The following LDAH variants were observed in gnomAD, a reference collection of about 807,000 sequenced individuals.
LDAH encodes the protein lipid droplet-associated hydrolase.
A neutral mutation model predicts 29.6 loss-of-function variants in LDAH; 26 were observed. The observed-to-expected ratio is 0.88, with a 90% CI of 0.64 to 1.22. LDAH has a LOEUF of 1.22. Ranked by LOEUF, LDAH falls within the 50% of genes most tolerant of loss-of-function variation. LDAH has a pLI of 0.00. For missense variants in LDAH, 344 were observed against 387.3 expected (o/e 0.89, Z 0.94); for synonymous variants, 117 against 133.0 (o/e 0.88, Z 0.83).
intron 5 of LDAH, among the ~76,000 whole-genome samples, chr2:20,718,903 C>A (rs1665440420): frequency 6.6e-6 from 1 of 151,990 alleles, no homozygotes; most frequent in African/African-American, 2.4e-5. Context: ...ACAACATGCT[C>A]CCAAATGACC....
intron 4 of LDAH, among the ~76,000 whole-genome samples, chr2:20,764,401 G>T (rs1342076499): frequency 6.6e-6 from 1 of 152,216 alleles, no homozygotes; most frequent in Non-Finnish European, 1.5e-5. Flanking sequence ...AGAGGTAACT[G>T]TCAAACTACT....
chr2:20,741,925 A>G (rs1388362413), intron 4 of LDAH, among the ~76,000 whole-genome samples: 1 of 152,220 alleles, frequency 6.6e-6, no homozygotes, highest in Non-Finnish European at 1.5e-5. Context: ...GTTTCAATGG[A>G]CATGGAGTAC....
chr2:20,771,761 TG>T lies in LDAH; in HGVS notation c.468+3048del, dbSNP rs1669443791. 5.5e-3 allele frequency among the ~76,000 whole-genome samples: 4 copies of T among 732 alleles called. No homozygotes were observed. In the South Asian group the frequency reaches 0.5, roughly 92 times the overall value. 0.5% of individuals were successfully genotyped at this position (732 alleles called of 152,430 possible). ...CTACCCCCCAAAAGAGGTGACCTTT[TG>T]GACAATTTATTGCACACATTATTTT... On this transcript the variant is annotated intron_variant, in intron 4 of 6. Transcript: ENST00000237822.
At chr2:20,726,119 C>T (rs1665995310) in intron 5 of LDAH, among the ~76,000 whole-genome samples, 1 of 152,168 alleles carries the variant, frequency 6.6e-6, no homozygotes, top group South Asian at 2.1e-4. Context: ...TTTGAATATT[C>T]TGGGTGTTTT....
At chr2:20,721,564 C>CA (rs990411245) in intron 5 of LDAH, among the ~76,000 whole-genome samples, 61 of 149,504 alleles carry the variant, frequency 4.1e-4, no homozygotes, top group Middle Eastern at 3.5e-3. Flanking sequence ...AACCAACAAA[C>CA]AAAAAAAAAA....
chr2:20,780,885 G>A (rs553374198), intron 3 of LDAH, among the ~76,000 whole-genome samples: 1 of 152,074 alleles, frequency 6.6e-6, no homozygotes, highest in African/African-American at 2.4e-5. Context: ...GGCTCATCTA[G>A]TCATTCCATC....
At chr2:20,780,083 T>C (rs548074120) in intron 3 of LDAH, among the ~76,000 whole-genome samples, 38 of 152,294 alleles carry the variant, frequency 2.5e-4, no homozygotes, top group Non-Finnish European at 5.3e-4. Flanking sequence ...CCTCCCTAAG[T>C]ATTCTGTAAG....
intron 6 of LDAH, among the ~76,000 whole-genome samples, chr2:20,699,640 A>G (rs963074157): frequency 3.3e-5 from 5 of 152,180 alleles, no homozygotes; most frequent in African/African-American, 1.2e-4. Flanking sequence ...TTGTTTCCCC[A>G]TATTCTAGAA....
At chr2:20,694,160 C>CA (rs1663248259) in intron 6 of LDAH, among the ~76,000 whole-genome samples, 1 of 4,168 alleles carries the variant, frequency 2.4e-4, no homozygotes, top group Non-Finnish European at 3.6e-4. Flanking sequence ...CCAGCTAGGG[C>CA]CCCTACCCTG....
intron 5 of LDAH, among the ~76,000 whole-genome samples, chr2:20,723,211 G>C (rs186733738): frequency 6.6e-6 from 1 of 152,312 alleles, no homozygotes; most frequent in Admixed American, 6.5e-5. Context: ...TTGACTGAGA[G>C]AAGTCAGACA....
At chr2:20,715,374 C>T (rs566444465) in intron 5 of LDAH, among the ~76,000 whole-genome samples, 60 of 152,106 alleles carry the variant, frequency 3.9e-4, no homozygotes, top group Non-Finnish European at 7.1e-4. Flanking sequence ...ATTGATGGAA[C>T]GTATCTGAAA....
At chr2:20,717,822 T>C (rs1665333505) in intron 5 of LDAH, among the ~76,000 whole-genome samples, 1 of 152,188 alleles carries the variant, frequency 6.6e-6, no homozygotes, top group Non-Finnish European at 1.5e-5. Context: ...GGTCTCACTC[T>C]GTCACCTAAG....
intron 5 of LDAH, among the ~76,000 whole-genome samples, chr2:20,737,303 T>C (rs1016148764): frequency 6.6e-5 from 10 of 152,144 alleles, no homozygotes; most frequent in Admixed American, 1.3e-4. Context: ...GCAGGAGAAA[T>C]AGTGGAAAGT....
intron 5 of LDAH, among the ~76,000 whole-genome samples, chr2:20,734,055 T>C (rs1371636401): frequency 1.3e-5 from 2 of 152,232 alleles, no homozygotes; most frequent in African/African-American, 4.8e-5. Flanking sequence ...TGAAGTGTTC[T>C]ACAAATGTCT....
chr2:20,777,157 G>A (rs1197379659), intron 3 of LDAH, among the ~76,000 whole-genome samples: 1 of 152,148 alleles, frequency 6.6e-6, no homozygotes, highest in Non-Finnish European at 1.5e-5. Flanking sequence ...TACATGGTTA[G>A]AGCAAAGAAA....
rs751055188 is a variant in LDAH at position 20,740,036 on chromosome 2, C to T, written c.638G>A (p.Gly213Asp). The T allele has an allele frequency of 9.9e-6, 16 of 1,614,084 alleles. No homozygotes were observed. The highest frequency in any genetic ancestry group is 2.2e-5 in the East Asian group (1 of 44,870). The change falls in exon 5 of 7, where the codon GGC becomes GAC. Residue 213 changes from glycine to aspartate, a missense_variant. Gly to Asp is a moderately conservative substitution (Grantham distance 94). Transcript: ENST00000237822. Reference sequence around the variant, plus strand: ...ATTCTCTAGGTTCATTACTTGAAGGCCCCTTCTGATTAGCAAGGACTTGAT... The same window carrying T: ...ATTCTCTAGGTTCATTACTTGAAGGTCCCTTCTGATTAGCAAGGACTTGAT... ...ETIKSLLIRR[G>D]LQVMNLENEF...
chr2:20,801,357 T>C lies in LDAH; in HGVS notation c.107A>G (p.His36Arg), dbSNP rs761059091. 4 of 1,614,160 alleles carry C rather than the reference T, an allele frequency of 2.5e-6. No homozygotes were observed. Among genetic ancestry groups the C allele is most frequent in the South Asian group, 2.2e-5 (2 of 91,090 alleles). Residue 36 changes from histidine to arginine, a missense_variant, in exon 2 of 7, where the codon CAT (histidine) becomes CGT (arginine). Physicochemically the swap from His to Arg is conservative, Grantham distance 29. Coordinates refer to ENST00000237822, the MANE Select transcript of LDAH (RefSeq NM_021925.4). Reference protein sequence around the residue: ...LKCGPWTDLFHDQSVKRPKLL... With the variant: ...LKCGPWTDLFRDQSVKRPKLL... ...CTTAGGCCTTTTGACACTTTGATCA[T>C]GAAAGAGGTCTGTCCAGGGCCCACA...
chr2:20,806,001 C>T (rs937013181), intron 1 of LDAH, among the ~76,000 whole-genome samples: 1 of 151,968 alleles, frequency 6.6e-6, no homozygotes, highest in Admixed American at 6.6e-5. Flanking sequence ...TCTTAATCAG[C>T]TTCAGCAAAC....
chr2:20,763,001 ACAC>A (rs1668793907), intron 4 of LDAH, among the ~76,000 whole-genome samples: 2 of 152,252 alleles, frequency 1.3e-5, no homozygotes, highest in African/African-American at 2.4e-5. Flanking sequence ...ACTTCCACTG[ACAC>A]ATCTGATACC....
Sources: allele counts gnomAD v4.1 joint callset (sites outside exome capture counted in the v4.1 genomes callset), GRCh38; gene constraint gnomAD v4.1.1; transcripts MANE v1.5; gene names NCBI Gene and HGNC (gene_info 2026-07-23, HGNC 2026-07-21).